Variants in AIG1 observed in about 807,000 individuals in gnomAD.
AIG1 encodes androgen induced 1, also known as androgen-induced gene 1 protein.
In AIG1, 23 loss-of-function variants were observed where a neutral mutation model predicts 31.4. That is an observed-to-expected ratio of 0.73 (90% CI 0.53 to 1.04). AIG1 has a LOEUF of 1.04. Ranked by LOEUF, AIG1 falls within the 50% of genes least tolerant of loss-of-function variation. The pLI, the probability that AIG1 is intolerant of heterozygous loss-of-function variation, is 0.00. For synonymous variants in AIG1, 100 were observed against 110.5 expected, an observed-to-expected ratio of 0.90 and a Z score of 0.60; for missense variants, 274 against 295.0, an observed-to-expected ratio of 0.93 and a Z score of 0.52.
chr6:143,094,940 A>G (rs77249925), intron 1 of AIG1, among the ~76,000 whole-genome samples: 1,602 of 152,244 alleles, frequency 0.011, 30 homozygotes, highest in African/African-American at 0.036. Context: ...GCACAATGCC[A>G]TGAGTTGAGA....
intron 3 of AIG1, among the ~76,000 whole-genome samples, chr6:143,273,256 CT>C (rs1796665067): frequency 6.6e-6 from 1 of 152,198 alleles, no homozygotes; most frequent in African/African-American, 2.4e-5. Context: ...GAGAAAATAT[CT>C]GAAAAGCAGG....
intron 1 of AIG1, among the ~76,000 whole-genome samples, chr6:143,099,128 A>C (rs1016324903): frequency 6.6e-6 from 1 of 152,184 alleles, no homozygotes; most frequent in Non-Finnish European, 1.5e-5. Context: ...ACCATTTAGG[A>C]TAATAACCAT....
chr6:143,188,661 A>T (rs971154566), intron 3 of AIG1: 9 of 983,542 alleles, frequency 9.2e-6, no homozygotes, highest in Non-Finnish European at 1.1e-5. Context: ...AACAAATAAT[A>T]AATAAATAAA....
chr6:143,181,361 T>G (rs1228773594), intron 3 of AIG1, among the ~76,000 whole-genome samples: 1 of 152,180 alleles, frequency 6.6e-6, no homozygotes, highest in Non-Finnish European at 1.5e-5. Context: ...GAGAGTTACA[T>G]CAACAATGAG....
intron 3 of AIG1, among the ~76,000 whole-genome samples, chr6:143,229,406 C>G (rs1318456298): frequency 6.6e-6 from 1 of 152,192 alleles, no homozygotes; most frequent in Non-Finnish European, 1.5e-5. Flanking sequence ...GTTGTCCATT[C>G]CCTTCTAGCC....
At chr6:143,239,791 G>A (rs1443107778) in intron 3 of AIG1, among the ~76,000 whole-genome samples, 1 of 152,134 alleles carries the variant, frequency 6.6e-6, no homozygotes, top group Non-Finnish European at 1.5e-5. Flanking sequence ...GGCAGAGGGT[G>A]GCCTATGTGT....
chr6:143,336,666 C>T (rs1777516290), intron 5 of AIG1, among the ~76,000 whole-genome samples: 1 of 152,160 alleles, frequency 6.6e-6, no homozygotes, highest in South Asian at 2.1e-4. Context: ...AATACATGTC[C>T]TTCACCCAAT....
chr6:143,333,507 G>C lies in AIG1; in HGVS notation c.679+62G>C, dbSNP rs777595328. 6.5e-7 allele frequency: 1 copy of C among 1,538,100 alleles called. No homozygotes were observed. Among genetic ancestry groups the C allele is most frequent in the East Asian group, 2.3e-5 (1 of 43,170 alleles). ...TACTGCCGGCAACAGTCTATGCAGA[G>C]ACTGAGGGAAAATTCCACTGTAGCC... On this transcript the variant is annotated intron_variant, in intron 5 of 5. Coordinates refer to ENST00000357847, the MANE Select transcript of AIG1 (RefSeq NM_016108.4). The surrounding 1 kb of genome is among the most constrained non-coding windows in gnomAD (Gnocchi z 4.6).
chr6:143,200,491 C>T (rs1790611414), intron 3 of AIG1, among the ~76,000 whole-genome samples: 1 of 152,148 alleles, frequency 6.6e-6, no homozygotes, highest in African/African-American at 2.4e-5. Flanking sequence ...CTCCCTCACT[C>T]TAAGCTTCTC....
At chr6:143,186,518 A>C (rs147498292) in intron 3 of AIG1, among the ~76,000 whole-genome samples, 1 of 152,206 alleles carries the variant, frequency 6.6e-6, no homozygotes, top group South Asian at 2.1e-4. Context: ...ATTACCCTGT[A>C]TATTCAGGTG....
chr6:143,104,151 C>T (rs1295504604), intron 1 of AIG1, among the ~76,000 whole-genome samples: 9 of 152,180 alleles, frequency 5.9e-5, no homozygotes, highest in Non-Finnish European at 1.2e-4. Context: ...CCTTTGTTGC[C>T]TTACTAGTCC....
At position 143,327,568 on chromosome 6, in the gene AIG1, T is replaced by G; in HGVS notation, c.516-5714T>G. 1 of 374,506 alleles carries G rather than the reference T, an allele frequency of 2.7e-6. No individual in the cohort carries two copies. Among genetic ancestry groups the G allele is most frequent in the Non-Finnish European group, 5.0e-6 (1 of 198,208 alleles). 23.2% of individuals were successfully genotyped at this position (374,506 alleles called of 1,614,324 possible). The stretch of plus-strand genomic sequence containing the variant: ...CCAGAAAATATTCTGAGGATGAAGA[T>G]TCACCAAATAAGCTCTATACTTCAG... On this transcript the variant is annotated intron_variant, in intron 4 of 5. Coordinates refer to ENST00000357847, the MANE Select transcript of AIG1 (RefSeq NM_016108.4). This position sits in a 1 kb window ranked among gnomAD's most constrained non-coding sequence, Gnocchi z 5.3.
intron 1 of AIG1, among the ~76,000 whole-genome samples, chr6:143,066,098 G>T (rs573046755): frequency 6.6e-6 from 1 of 152,266 alleles, no homozygotes; most frequent in Admixed American, 6.5e-5. Context: ...AAGAAATGTG[G>T]CATCTCCAGC....
intron 2 of AIG1, among the ~76,000 whole-genome samples, chr6:143,146,408 T>C (rs749470564): frequency 5.3e-5 from 8 of 152,084 alleles, no homozygotes; most frequent in Admixed American, 1.3e-4. Flanking sequence ...AGGGACAAGA[T>C]GCAATATTCT....
In AIG1 at chr6:143,290,616, A is replaced by G. The variant is rs539317583; in HGVS notation, c.515+6391A>G. 2.6e-5 allele frequency among the ~76,000 whole-genome samples: 4 copies of G among 152,282 alleles called. No homozygotes were observed. The East Asian group carries it at 7.7e-4, about 29-fold the overall frequency. ...AGATCTTATCAGGAAGCTGTTGATC[A>G]TGAGCTTTAGGTGTCTTTCTCTATT... On this transcript the variant is annotated intron_variant, in intron 4 of 5. Transcript: ENST00000357847.
At chr6:143,255,600 A>G (rs1181974565) in intron 3 of AIG1, among the ~76,000 whole-genome samples, 1 of 152,126 alleles carries the variant, frequency 6.6e-6, no homozygotes, top group African/African-American at 2.4e-5. Context: ...GCTTCACCAT[A>G]TGAATTTTGG....
rs1023457238 is a variant in AIG1 at position 143,340,741 on chromosome 6, C to A, written c.*1065C>A. ...CCTCCCAAAGTGCTGGGATTACAGA[C>A]ATGAACCACCGCGCCCAGCCACAAA... On this transcript the variant is annotated 3_prime_UTR_variant, in exon 6 of 6. Transcript: ENST00000357847. Among the ~76,000 whole-genome samples the A allele has an allele frequency of 6.6e-6, 1 of 152,156 alleles. No homozygotes were observed. Among genetic ancestry groups the A allele is most frequent in the African/African-American group, 2.4e-5 (1 of 41,430 alleles).
intron 2 of AIG1, among the ~76,000 whole-genome samples, chr6:143,141,514 G>T (rs1199960128): frequency 6.6e-6 from 1 of 152,192 alleles, no homozygotes; most frequent in Non-Finnish European, 1.5e-5. Context: ...TAACCTAGAA[G>T]AAATCAGGCA....
At chr6:143,198,927 C>CAAAAGAGA (rs1289956754) in intron 3 of AIG1, among the ~76,000 whole-genome samples, 2 of 152,162 alleles carry the variant, frequency 1.3e-5, no homozygotes, top group Non-Finnish European at 2.9e-5. Flanking sequence ...AAATAGCAGC[C>CAAAAGAGA]TTTGCCATAC....
Sources: allele counts gnomAD v4.1 joint callset (sites outside exome capture counted in the v4.1 genomes callset), GRCh38; gene constraint gnomAD v4.1.1; non-coding constraint Gnocchi (gnomAD v3.1); transcripts MANE v1.5; gene names NCBI Gene and HGNC (gene_info 2026-07-23, HGNC 2026-07-21).